DNAJC6: variants seen among roughly 807,000 people sequenced by gnomAD.
DNAJC6 encodes the protein DnaJ heat shock protein family (Hsp40) member C6, also known as auxilin.
Under a neutral mutation model 110.0 loss-of-function variants are expected in DNAJC6, and 34 were observed. That is an observed-to-expected ratio of 0.31 (90% CI 0.24 to 0.41). The LOEUF is 0.41. Ranked by LOEUF, DNAJC6 falls within the 10% of genes least tolerant of loss-of-function variation. DNAJC6 has a pLI of 1.00. For missense variants in DNAJC6, 1,031 were observed against 1,207.8 expected (o/e 0.85, Z 2.17); for synonymous variants, 406 against 437.2 (o/e 0.93, Z 0.89).
chr1:65,384,108 C>A, intron 5 of DNAJC6, 85 bp from the exon 6 acceptor site: 1 of 1,331,582 alleles, frequency 7.5e-7, no homozygotes, highest in East Asian at 2.8e-5. Flanking sequence ...CTCTCTCTGT[C>A]TCTTAATTGC....
intron 1 of DNAJC6, chr1:65,345,622 A>G (rs1452409789): frequency 8.1e-6 from 8 of 983,924 alleles, no homozygotes; most frequent in Non-Finnish European, 9.7e-6. Flanking sequence ...AGTGGTTATT[A>G]TTGAGTCGAG....
At chr1:65,343,639 A>G (rs1645409778) in intron 1 of DNAJC6, among the ~76,000 whole-genome samples, 2 of 152,074 alleles carry the variant, frequency 1.3e-5, no homozygotes, top group South Asian at 2.1e-4. Flanking sequence ...TTACTTCATA[A>G]TGGCCCCAAA....
intron 1 of DNAJC6, among the ~76,000 whole-genome samples, chr1:65,337,210 C>T (rs1408993): frequency 0.05 from 7,471 of 148,326 alleles, 340 homozygotes; most frequent in East Asian, 0.22. Context: ...GTATTTCCAT[C>T]GGGGATATAC....
chr1:65,272,819 C>T (rs1653550432), intron 1 of DNAJC6, among the ~76,000 whole-genome samples: 1 of 152,192 alleles, frequency 6.6e-6, no homozygotes, highest in African/African-American at 2.4e-5. Context: ...GGCTTACAGG[C>T]GTGAGCCACT....
intron 1 of DNAJC6, among the ~76,000 whole-genome samples, chr1:65,317,904 C>A (rs903912886): frequency 2.6e-5 from 4 of 152,162 alleles, no homozygotes; most frequent in Non-Finnish European, 4.4e-5. Flanking sequence ...AGCCAGAAAT[C>A]TGTAGGAAAA....
At chr1:65,265,542 G>C (rs1260393913) in intron 1 of DNAJC6, among the ~76,000 whole-genome samples, 1 of 152,204 alleles carries the variant, frequency 6.6e-6, no homozygotes, top group Non-Finnish European at 1.5e-5. Context: ...AATTCTGTTA[G>C]AGGGATGGGG....
At chr1:65,337,102 C>A (rs1229615555) in intron 1 of DNAJC6, among the ~76,000 whole-genome samples, 1 of 151,074 alleles carries the variant, frequency 6.6e-6, no homozygotes, top group East Asian at 1.9e-4. Context: ...TGTCACTTAA[C>A]CTGTTCCTTT....
At chr1:65,342,368 G>A (rs1045481128) in intron 1 of DNAJC6, among the ~76,000 whole-genome samples, 2 of 152,258 alleles carry the variant, frequency 1.3e-5, no homozygotes, top group African/African-American at 2.4e-5. Flanking sequence ...CATCGTGAAC[G>A]AGATTAGTGC....
intron 4 of DNAJC6, among the ~76,000 whole-genome samples, chr1:65,374,628 T>A (rs1014779928): frequency 2.0e-5 from 3 of 152,256 alleles, no homozygotes; most frequent in Admixed American, 6.5e-5. Context: ...CATGTTGGTT[T>A]TGTATTCTGC....
intron 5 of DNAJC6, among the ~76,000 whole-genome samples, chr1:65,383,455 A>G (rs2101596392): frequency 6.6e-6 from 1 of 152,232 alleles, no homozygotes; most frequent in South Asian, 2.1e-4. Context: ...ACTGTGCCCA[A>G]CCAAGGTGCC....
At chr1:65,323,346 T>C (rs1293075395) in intron 1 of DNAJC6, among the ~76,000 whole-genome samples, 1 of 152,102 alleles carries the variant, frequency 6.6e-6, no homozygotes, top group African/African-American at 2.4e-5. Flanking sequence ...TGATAGTGAG[T>C]GAGAACTGAT....
chr1:65,370,129 G>A (rs1303292717), intron 4 of DNAJC6, among the ~76,000 whole-genome samples: 1 of 151,980 alleles, frequency 6.6e-6, no homozygotes, highest in African/African-American at 2.4e-5. Flanking sequence ...TGAAGTCCTG[G>A]AGACCAACAA....
At chr1:65,313,632 C>T (rs1645122317) in intron 1 of DNAJC6, among the ~76,000 whole-genome samples, 1 of 152,136 alleles carries the variant, frequency 6.6e-6, no homozygotes, top group South Asian at 2.1e-4. Context: ...ACAATATCAA[C>T]TGATTGTTGA....
At chr1:65,300,043 CAAAAAAAAA>C (rs59681451) in intron 1 of DNAJC6, among the ~76,000 whole-genome samples, 4 of 112,048 alleles carry the variant, frequency 3.6e-5, no homozygotes, top group African/African-American at 3.3e-5. Context: ...AACTCCATCT[CAAAAAAAAA>C]AAAAAAAAAA....
intron 1 of DNAJC6, among the ~76,000 whole-genome samples, chr1:65,302,576 C>T (rs1164531481): frequency 1.5e-5 from 2 of 133,440 alleles, no homozygotes; most frequent in Admixed American, 8.2e-5. Context: ...TCGCCCAGGC[C>T]GGACTGCGGA....
chr1:65,331,240 A>G (rs1010438168), intron 1 of DNAJC6, among the ~76,000 whole-genome samples: 2 of 152,224 alleles, frequency 1.3e-5, no homozygotes, highest in Non-Finnish European at 2.9e-5. Flanking sequence ...TCCCAGGTTT[A>G]TGAAGTTCCA....
intron 1 of DNAJC6, among the ~76,000 whole-genome samples, chr1:65,341,243 C>T (rs1455460641): frequency 1.3e-5 from 2 of 152,172 alleles, no homozygotes; most frequent in South Asian, 2.1e-4. Context: ...ATAAGCTAGC[C>T]GTGGCCCTAG....
At chr1:65,358,714 A>G (rs879300447) in intron 1 of DNAJC6, among the ~76,000 whole-genome samples, 3 of 152,192 alleles carry the variant, frequency 2.0e-5, no homozygotes, top group Admixed American at 6.6e-5. Flanking sequence ...CTGCAAAATG[A>G]TTTTAGTAGC....
intron 1 of DNAJC6, among the ~76,000 whole-genome samples, chr1:65,325,059 C>G (rs1017683713): frequency 6.6e-6 from 1 of 152,178 alleles, no homozygotes; most frequent in African/African-American, 2.4e-5. Context: ...GAATTTCTAC[C>G]AGGCTGCAGG....
Sources: allele counts gnomAD v4.1 joint callset (sites outside exome capture counted in the v4.1 genomes callset), GRCh38; gene constraint gnomAD v4.1.1; transcripts MANE v1.5; gene names NCBI Gene and HGNC (gene_info 2026-07-23, HGNC 2026-07-21).